Variants in STS observed in about 807,000 individuals in gnomAD.
STS encodes the protein steroid sulfatase.
STS carries 7 observed loss-of-function variants against 26.8 expected under a neutral mutation model. The ratio of observed to expected loss-of-function variants is 0.26; its 90% CI spans 0.15 to 0.49. STS has a LOEUF of 0.49. Ranked by LOEUF, STS falls within the 20% of genes least tolerant of loss-of-function variation. The probability of loss-of-function intolerance (pLI) is 0.98; values close to 1 mark genes in which losing one functional copy is unlikely to be tolerated. For synonymous variants in STS, 199 were observed against 189.4 expected (o/e 1.05, Z -0.42); for missense variants, 434 against 465.6 (o/e 0.93, Z 0.63).
intron 2 of STS, among the ~76,000 whole-genome samples, chrX:7,203,247 A>G (rs1284812667): frequency 8.9e-6 from 1 of 111,989 alleles, no homozygotes; most frequent in African/African-American, 3.2e-5. Context: ...GGGGCAAAAA[A>G]CTCTAAAGAT....
chrX:7,319,183 G>A (rs185018105), intron 8 of STS, among the ~76,000 whole-genome samples: 170 of 110,458 alleles, frequency 1.5e-3, no homozygotes, highest in Admixed American at 5.5e-3. Context: ...AAGACATGAC[G>A]TCTCTCTCTG....
intron 2 of STS, among the ~76,000 whole-genome samples, chrX:7,208,717 C>T (rs780977579): frequency 2.7e-5 from 3 of 111,126 alleles, no homozygotes; most frequent in Non-Finnish European, 3.8e-5. Context: ...TGCTATAACA[C>T]GTTATAGTGA....
At chrX:7,291,800 CTAAGG>C (rs1925430090) in intron 7 of STS, among the ~76,000 whole-genome samples, 1 of 110,617 alleles carries the variant, frequency 9.0e-6, no homozygotes, top group African/African-American at 3.3e-5. Context: ...TTTTTTTATT[CTAAGG>C]TAAGACAATA....
chrX:7,160,727 A>G (rs1485395438), intron 1 of STS, among the ~76,000 whole-genome samples: 1 of 112,319 alleles, frequency 8.9e-6, no homozygotes, highest in African/African-American at 3.2e-5. Context: ...CTTTCAACTT[A>G]CTGCTTTTCT....
chrX:7,256,781 G>A (rs760080972), intron 3 of STS, among the ~76,000 whole-genome samples: 9 of 111,535 alleles, frequency 8.1e-5, no homozygotes, highest in Non-Finnish European at 1.3e-4. Context: ...GGGATGTCCC[G>A]CCTGCATCAT....
Position 7,148,100 on chromosome X carries a change from G to A in STS, c.-134+17G>A, listed in dbSNP as rs957111882. On this transcript the variant is annotated intron_variant, in intron 1 of 10. Transcript: ENST00000674429. ...AAAGATGAGGTGGGTGACGGGCTGC[G>A]GGGGCGCCGCCATGGTGGCGCCTTC... The A allele has an allele frequency of 2.5e-5, 28 of 1,131,075 alleles. No individual in the cohort carries two copies. Among genetic ancestry groups the A allele is most frequent in the Admixed American group, 1.1e-4 (4 of 35,603 alleles). 93.2% of individuals were successfully genotyped at this position (1,131,075 alleles called of 1,213,427 possible).
intron 1 of STS, among the ~76,000 whole-genome samples, chrX:7,156,818 T>C (rs927087817): frequency 1.8e-5 from 2 of 111,965 alleles, no homozygotes; most frequent in Non-Finnish European, 3.8e-5. Context: ...GTGTTCCTTC[T>C]TTGATCTGCC....
intron 8 of STS, 91 bp from the exon 9 acceptor site, chrX:7,325,248 T>C: frequency 1.0e-6 from 1 of 979,854 alleles, no homozygotes. Flanking sequence ...CAGTTGGTTC[T>C]TCTACATTGA....
At chrX:7,156,527 A>C (rs1211397598) in intron 1 of STS, among the ~76,000 whole-genome samples, 3 of 111,517 alleles carry the variant, frequency 2.7e-5, no homozygotes, top group African/African-American at 9.8e-5. Context: ...TAACATTTGG[A>C]AGCATCTATT....
chrX:7,219,293 C>T (rs1451526090), intron 2 of STS: 1 of 466,137 alleles, frequency 2.1e-6, no homozygotes, highest in African/African-American at 2.7e-5. Context: ...GCATAAACCG[C>T]TTGGGTATCA....
chrX:7,182,069 C>T (rs1469079753), intron 1 of STS, among the ~76,000 whole-genome samples: 1 of 111,596 alleles, frequency 9.0e-6, no homozygotes, highest in Non-Finnish European at 1.9e-5. Flanking sequence ...GTGAGTCCCC[C>T]TGTCTCAAAC....
intron 9 of STS, among the ~76,000 whole-genome samples, chrX:7,333,453 C>T (rs1318894949): frequency 8.9e-6 from 1 of 111,888 alleles, no homozygotes; most frequent in African/African-American, 3.3e-5. Context: ...ATTATATATA[C>T]ATTAATTCAT....
rs760565926 is a variant in STS, at chrX:7,175,886, C to A, written c.-133-14994C>A. On this transcript the variant is annotated intron_variant, in intron 1 of 10. Coordinates refer to ENST00000674429, the MANE Select transcript of STS (RefSeq NM_001320752.2). ...TTTCCAAAATACCTCTTGAATTTAC[C>A]TCCACTCTGTCTCCATCATTACTGC... 1.3e-4 allele frequency among the ~76,000 whole-genome samples: 14 copies of A among 110,973 alleles called. No homozygotes were observed. The South Asian group carries it at 5.4e-3, about 43-fold the overall frequency.
chrX:7,213,915 G>GA (rs1196065969), intron 2 of STS, among the ~76,000 whole-genome samples: 2 of 109,895 alleles, frequency 1.8e-5, no homozygotes, highest in East Asian at 2.9e-4. Flanking sequence ...CCTGTCTCTA[G>GA]AAAAAAAATA....
Position 7,349,797 on chromosome X carries a change from A to T in STS, c.1364-91A>T, listed in dbSNP as rs1226488683. The T allele has an allele frequency of 5.3e-6, 6 of 1,138,176 alleles. No homozygotes were observed. In the African/African-American group the frequency reaches 1.1e-4, roughly 20 times the overall value. The allele number at this position is 1,138,176 out of a possible 1,213,427, so 93.8% of individuals were successfully genotyped here. ...TGATATCTTCACCTTCTTAAAGCAC[A>T]TGGCAGCATAATTTCCGCATCACTT... is the stretch of plus-strand genomic sequence containing the variant. On this transcript the variant is annotated intron_variant, in intron 10 of 10. Transcript: ENST00000674429.
At chrX:7,334,226 G>T in intron 10 of STS, 119 bp downstream of exon 10, 2 of 998,158 alleles carry the variant, frequency 2.0e-6, no homozygotes, top group Non-Finnish European at 2.8e-6. Flanking sequence ...GTGCCTCAAT[G>T]TGCGCCCATG....
intron 8 of STS, among the ~76,000 whole-genome samples, chrX:7,319,173 A>C (rs952214098): frequency 1.9e-4 from 21 of 110,153 alleles, no homozygotes; most frequent in African/African-American, 5.3e-4. Flanking sequence ...TCTGTTTTTT[A>C]AGACATGACG....
At chrX:7,160,848 C>T (rs765147925) in intron 1 of STS, among the ~76,000 whole-genome samples, 2 of 112,162 alleles carry the variant, frequency 1.8e-5, no homozygotes, top group East Asian at 5.6e-4. Context: ...AGTGGAAATA[C>T]GTATCCTAAA....
intron 2 of STS, among the ~76,000 whole-genome samples, chrX:7,240,523 GTGTGTGTGTGTATA>G (rs1310193742): frequency 1.1e-3 from 33 of 28,742 alleles, no homozygotes; most frequent in Non-Finnish European, 2.2e-3. Context: ...GTGTGTGTGT[GTGTGTGTGTGTATA>G]TATATATATA....
Sources: allele counts gnomAD v4.1 joint callset (sites outside exome capture counted in the v4.1 genomes callset), GRCh38; gene constraint gnomAD v4.1.1; transcripts MANE v1.5; gene names NCBI Gene and HGNC (gene_info 2026-07-23, HGNC 2026-07-21).